The following KMT2C variants were observed in gnomAD, a reference collection of about 807,000 sequenced individuals.
KMT2C encodes the protein lysine methyltransferase 2C.
A neutral mutation model predicts 507.9 loss-of-function variants in KMT2C; 88 were observed. That is an observed-to-expected ratio of 0.17 (90% CI 0.15 to 0.21). The LOEUF (loss-of-function observed/expected upper bound fraction) is 0.21. Ranked by LOEUF, KMT2C falls within the 10% of genes least tolerant of loss-of-function variation. The pLI is 1.00. For synonymous variants in KMT2C, 2,049 were observed against 2,080.8 expected (o/e 0.98, Z 0.42); for missense variants, 4,954 against 5,957.8 (o/e 0.83, Z 5.55).
chr7:152,225,017 A>G (rs1369774449), intron 18 of KMT2C, among the ~76,000 whole-genome samples: 1 of 152,182 alleles, frequency 6.6e-6, no homozygotes, highest in Non-Finnish European at 1.5e-5. Context: ...TAGAAAAAAT[A>G]CCAAAAAAAT....
intron 1 of KMT2C, among the ~76,000 whole-genome samples, chr7:152,386,094 AAATT>A (rs1476473839): frequency 2.0e-5 from 3 of 151,794 alleles, no homozygotes; most frequent in Admixed American, 6.6e-5. Flanking sequence ...CAAAAAAAAA[AAATT>A]AATAAAAATA....
chr7:152,308,651 C>T (rs1045179115), intron 6 of KMT2C, among the ~76,000 whole-genome samples: 1 of 117,738 alleles, frequency 8.5e-6, no homozygotes, highest in African/African-American at 3.5e-5. Flanking sequence ...CTCCAGCCTG[C>T]ACAACACAGC....
chr7:152,139,194 C>A lies in KMT2C; in HGVS notation c.14526G>T (p.Gly4842=), dbSNP rs1251641005. 1 of 1,614,030 alleles carries A rather than the reference C, an allele frequency of 6.2e-7. No individual in the cohort carries two copies. Among genetic ancestry groups the A allele is most frequent in the Non-Finnish European group, 8.5e-7 (1 of 1,179,992 alleles). The part of the protein sequence containing the change: ...DHVIDATLTG[G]PARYINHSCA... ...GTTCCTCGCTGTCTCACCTTGCGGGCCCTCCTGTGAGCGTCGCGTCAATCA... is the reference window on the plus strand; with the variant it reads ...GTTCCTCGCTGTCTCACCTTGCGGGACCTCCTGTGAGCGTCGCGTCAATCA... The change falls in exon 57 of 59, where the codon GGG becomes GGT. Residue 4842 remains glycine (G), a synonymous_variant. Transcript: ENST00000262189.
intron 35 of KMT2C, 70 bp downstream of exon 35, chr7:152,182,904 T>C: frequency 2.7e-6 from 3 of 1,100,946 alleles, no homozygotes; most frequent in Non-Finnish European, 3.9e-6. Flanking sequence ...TCTAAAATAA[T>C]AATGCAAAGA....
chr7:152,251,197 AAC>A (rs1288569942), intron 11 of KMT2C, among the ~76,000 whole-genome samples: 1 of 152,192 alleles, frequency 6.6e-6, no homozygotes, highest in Non-Finnish European at 1.5e-5. Flanking sequence ...CTGTAATCCT[AAC>A]ACTTTGGGAG....
intron 14 of KMT2C, among the ~76,000 whole-genome samples, chr7:152,244,064 CAG>C (rs1344451262): frequency 6.6e-6 from 1 of 152,080 alleles, no homozygotes; most frequent in African/African-American, 2.4e-5. Flanking sequence ...GGACTGAAGA[CAG>C]AAATAAAAAC....
Position 152,163,462 on chromosome 7 carries a change from T to C in KMT2C, c.10115A>G (p.Asn3372Ser), listed in dbSNP as rs754434465. 9 of 1,614,090 alleles carry C rather than the reference T, an allele frequency of 5.6e-6. No homozygotes were observed. In the East Asian group the frequency reaches 1.8e-4, roughly 32 times the overall value. ...TGGTGGTCCACTCTGTGGATTTGCA[T>C]TTGAGACTGTCCCTGGGGCTGGTGT... ...TCTPAPGTVSNANPQSGPPPR... is the reference protein window; with the variant it reads ...TCTPAPGTVSSANPQSGPPPR... Residue 3372 changes from asparagine (N) to serine (S), a missense_variant, in exon 43 of 59, where the codon AAT (asparagine) becomes AGT (serine). Around this residue, in one of 29 missense-constraint regions of KMT2C, gnomAD observed 801 missense variants for 751.2 expected, o/e 1.07. Transcript: ENST00000262189.
chr7:152,259,489 C>CACACACACAG (rs1475340079), intron 9 of KMT2C, among the ~76,000 whole-genome samples: 7 of 113,778 alleles, frequency 6.2e-5, no homozygotes, highest in Non-Finnish European at 1.4e-4. Context: ...CACACACACA[C>CACACACACAG]AGAGAAAGCA....
chr7:152,256,105 G>A (rs2129169007), intron 9 of KMT2C, among the ~76,000 whole-genome samples: 1 of 152,192 alleles, frequency 6.6e-6, no homozygotes, highest in Non-Finnish European at 1.5e-5. Context: ...GCGAGGGGGA[G>A]GTTGCAATGA....
intron 9 of KMT2C, 60 bp downstream of exon 9, chr7:152,262,956 G>T: frequency 7.9e-7 from 1 of 1,263,490 alleles, no homozygotes; most frequent in Non-Finnish European, 1.1e-6. Context: ...TATCCGATTT[G>T]TCTGGTCTCC....
chr7:152,239,251 A>G (rs2095339788), intron 14 of KMT2C, among the ~76,000 whole-genome samples: 1 of 152,216 alleles, frequency 6.6e-6, no homozygotes, highest in Non-Finnish European at 1.5e-5. Context: ...GGATAACCAT[A>G]AGGAATTCTA....
Position 152,220,695 on chromosome 7 carries a change from A to T in KMT2C, c.3540T>A (p.Thr1180=). 1 of 1,611,514 alleles carries T rather than the reference A, an allele frequency of 6.2e-7. No homozygotes were observed. Among genetic ancestry groups the T allele is most frequent in the Non-Finnish European group, 8.5e-7 (1 of 1,179,446 alleles). ...KTYTQDGVCL[T]ESGMTQLQSL... Reference sequence around the variant, plus strand: ...TCTGTAACTGAGTCATCCCTGATTCAGTCAAACACACACCATCCTGGGTAT... The same window carrying T: ...TCTGTAACTGAGTCATCCCTGATTCTGTCAAACACACACCATCCTGGGTAT... The change falls in exon 23 of 59, where the codon ACT becomes ACA. Residue 1180 remains threonine (T), a synonymous_variant. Transcript: ENST00000262189.
intron 2 of KMT2C, among the ~76,000 whole-genome samples, chr7:152,333,152 T>C (rs1253072425): frequency 1.3e-5 from 2 of 152,094 alleles, no homozygotes; most frequent in Non-Finnish European, 2.9e-5. Context: ...GTTGGGTGGT[T>C]GTTTTTGTTT....
In KMT2C at chr7:152,297,058, AG is replaced by A. The variant is rs1317403908; in HGVS notation, c.849+12907del. Among the ~76,000 whole-genome samples the A allele has an allele frequency of 4.6e-3, 247 of 53,858 alleles. 2 individuals are homozygous for A. Among genetic ancestry groups the A allele is most frequent in the African/African-American group, 0.024 (230 of 9,418 alleles). 35.3% of individuals were successfully genotyped at this position (53,858 alleles called of 152,430 possible). On this transcript the variant is annotated intron_variant, in intron 6 of 58. Transcript: ENST00000262189. ...GAAAGAAAGAAAGAAAGAAAGACAG[AG>A]AGAGAGAGAGAGAGAGAGAGAGAGA...
intron 2 of KMT2C, among the ~76,000 whole-genome samples, chr7:152,354,187 A>G (rs1241446476): frequency 6.6e-6 from 1 of 152,128 alleles, no homozygotes; most frequent in Non-Finnish European, 1.5e-5. Context: ...TCTAAACTGT[A>G]TTTGCCTTGA....
intron 1 of KMT2C, among the ~76,000 whole-genome samples, chr7:152,425,471 G>A (rs576760946): frequency 1.4e-4 from 21 of 152,198 alleles, no homozygotes; most frequent in South Asian, 2.1e-4. Flanking sequence ...CAGCTACTCC[G>A]GGGTCTGAGG....
intron 1 of KMT2C, among the ~76,000 whole-genome samples, chr7:152,382,061 C>T (rs1340098602): frequency 2.0e-5 from 3 of 152,260 alleles, no homozygotes; most frequent in Non-Finnish European, 4.4e-5. Flanking sequence ...ATTCCTAAAG[C>T]TTGACATTCA....
chr7:152,235,560 T>C (rs1415300852), intron 16 of KMT2C, among the ~76,000 whole-genome samples: 4 of 152,048 alleles, frequency 2.6e-5, no homozygotes, highest in African/African-American at 7.2e-5. Flanking sequence ...AGAGCAACTA[T>C]ATTACATACT....
At chr7:152,257,324 C>T (rs200189847) in intron 9 of KMT2C, among the ~76,000 whole-genome samples, 3 of 151,926 alleles carry the variant, frequency 2.0e-5, no homozygotes, top group South Asian at 2.1e-4. Context: ...TATTCTTAGA[C>T]GAAAAATAAC....
Sources: gnomAD v4.1 joint callset for allele counts (sites outside exome capture counted in the v4.1 genomes callset) on GRCh38, gnomAD v4.1.1 for gene constraint, gnomAD v4.1.1 regional missense constraint, MANE v1.5 for transcripts, NCBI Gene and HGNC (gene_info 2026-07-23, HGNC 2026-07-21) for gene names.